The following NOS3 variants were observed in gnomAD, a reference collection of about 807,000 sequenced individuals.
The protein encoded by NOS3 is nitric oxide synthase 3.
Under a neutral mutation model 144.9 loss-of-function variants are expected in NOS3, and 98 were observed. The ratio of observed to expected loss-of-function variants is 0.68; its 90% CI spans 0.57 to 0.80. The LOEUF (loss-of-function observed/expected upper bound fraction) is 0.80, where lower values mean the gene tolerates loss of function less well. NOS3 is among the 30% of genes least tolerant of loss of function. The pLI, the probability that NOS3 is intolerant of heterozygous loss-of-function variation, is 0.00. For missense variants in NOS3, 1,465 were observed against 1,656.4 expected (o/e 0.88, Z 2.01); for synonymous variants, 714 against 702.4 (o/e 1.02, Z -0.26).
chr7:150,999,447 G>A, intron 9 of NOS3, 83 bp downstream of exon 9: 1 of 1,415,174 alleles, frequency 7.1e-7, no homozygotes. Flanking sequence ...CAAAATGCCA[G>A]CCACGGGGAC....
intron 25 of NOS3, 119 bp downstream of exon 25, chr7:151,013,498 AC>A (rs1384821926): frequency 7.7e-7 from 1 of 1,294,166 alleles, no homozygotes; most frequent in Non-Finnish European, 1.0e-6. Flanking sequence ...CCACTCAGCC[AC>A]CCCTGCACAC....
At chr7:151,011,957 T>C (rs2117137085) in intron 23 of NOS3, 1 of 297,526 alleles carries the variant, frequency 3.4e-6, no homozygotes, top group Non-Finnish European at 6.8e-6. Context: ...GGCCTGGTGA[T>C]TCAAATCCAC....
At chr7:150,992,250 G>A (rs1197375318) in intron 1 of NOS3, among the ~76,000 whole-genome samples, 2 of 152,084 alleles carry the variant, frequency 1.3e-5, no homozygotes, top group Non-Finnish European at 2.9e-5. Flanking sequence ...CTAGGAAAAT[G>A]AGTCATCCTT....
At position 150,998,813 on chromosome 7, in the gene NOS3, G is replaced by A. The variant is rs1465486402; in HGVS notation, c.816+133G>A. 4.8e-6 allele frequency: 7 copies of A among 1,448,908 alleles called. No homozygotes were observed. The African/African-American group carries it at 9.9e-5, about 21-fold the overall frequency. 89.8% of individuals were successfully genotyped at this position (1,448,908 alleles called of 1,614,324 possible). ...TAAAGGATGAAAAACACCAAAGGAG[G>A]GGTGCCTGGGTGGTCACGGAGACCC... On this transcript the variant is annotated intron_variant, in intron 7 of 26. Coordinates refer to ENST00000297494, the MANE Select transcript of NOS3 (RefSeq NM_000603.5). This position sits in a 1 kb window ranked among gnomAD's most constrained non-coding sequence, Gnocchi z 5.0.
At chr7:151,011,889 A>G (rs2117136959) in intron 23 of NOS3, 2 of 408,038 alleles carry the variant, frequency 4.9e-6, no homozygotes. Flanking sequence ...CCGCTCTCGC[A>G]GCCAGGAACC....
chr7:151,013,951 G>T, intron 26 of NOS3, 33 bp downstream of exon 26: 1 of 1,604,184 alleles, frequency 6.2e-7, no homozygotes, highest in East Asian at 2.3e-5. Context: ...TGAGCGTGCG[G>T]GGTTCCTGCT....
At chr7:151,011,103 A>C in intron 23 of NOS3, 117 bp downstream of exon 23, 1 of 712,862 alleles carries the variant, frequency 1.4e-6, no homozygotes, top group Non-Finnish European at 2.5e-6. Flanking sequence ...GTAACATGTC[A>C]AGGGTGTGGT....
chr7:151,000,473 G>A (rs775499067), intron 9 of NOS3, 25 bp from the exon 10 acceptor site: 41 of 1,460,222 alleles, frequency 2.8e-5, no homozygotes, highest in East Asian at 2.0e-4. Context: ...TGTCCCTACC[G>A]ATGCCACACA....
At chr7:151,004,540 A>G (rs553477874) in intron 14 of NOS3, among the ~76,000 whole-genome samples, 1 of 152,344 alleles carries the variant, frequency 6.6e-6, no homozygotes, top group African/African-American at 2.4e-5. Flanking sequence ...CACACTGGAA[A>G]CAATTCAAAT....
At position 151,007,271 on chromosome 7, in the gene NOS3, T is replaced by C. The variant is rs563391462; in HGVS notation, c.2107T>C (p.Phe703Leu). Residue 703 changes from phenylalanine to leucine, a missense_variant, in exon 17 of 27, where the codon TTC (phenylalanine) becomes CTC (leucine). By Grantham distance (22) the Phe-to-Leu change is conservative. Coordinates refer to ENST00000297494, the MANE Select transcript of NOS3 (RefSeq NM_000603.5). ...EAFRGWAQAA[F>L]QAACETFCVG... ...CTTCCGAGGCTGGGCCCAGGCTGCC[T>C]TCCAGGTGAGCCCAGCCCAGCCCCT... 1.3e-6 allele frequency: 2 copies of C among 1,597,220 alleles called. No homozygotes were observed. The highest frequency in any genetic ancestry group is 2.2e-5 in the South Asian group (2 of 90,416).
In NOS3 at chr7:151,002,128, G is replaced by C. The variant is rs1795118974; in HGVS notation, c.1648-72G>C. 2 of 1,405,658 alleles carry C rather than the reference G, an allele frequency of 1.4e-6. No homozygotes were observed. Among genetic ancestry groups the C allele is most frequent in the South Asian group, 2.4e-5 (2 of 81,684 alleles). The allele number at this position is 1,405,658 out of a possible 1,614,324, so 87.1% of individuals were successfully genotyped here. On this transcript the variant is annotated intron_variant, in intron 13 of 26. Transcript: ENST00000297494. This position sits in a 1 kb window ranked among gnomAD's most constrained non-coding sequence, Gnocchi z 4.1. ...TTGGGGCCTGAATCTTGCACTGCCA[G>C]GGAGGCCAGAGTGAGGAGGGCAGGG...
chr7:151,007,328 C>T (rs780051881), intron 17 of NOS3, 52 bp downstream of exon 17: 5 of 1,520,132 alleles, frequency 3.3e-6, no homozygotes, highest in South Asian at 1.2e-5. Context: ...GATGCCTCCT[C>T]CTGCCTCACT....
At chr7:150,995,385 C>A in intron 3 of NOS3, 71 bp downstream of exon 3, 1 of 999,878 alleles carries the variant, frequency 1.0e-6, no homozygotes. Flanking sequence ...CAGATGGGGC[C>A]GGAGAGGGAA....
chr7:150,998,626 C>T lies in NOS3; in HGVS notation c.762C>T (p.Tyr254=). The change falls in exon 7 of 27, where the codon TAC becomes TAT. Residue 254 remains tyrosine (Y), a synonymous_variant. Transcript: ENST00000297494. This position sits in a 1 kb window ranked among gnomAD's most constrained non-coding sequence, Gnocchi z 5.0. ...WNSQLVRYAG[Y]RQQDGSVRGD... ...GCCAGCTGGTGCGCTACGCGGGCTA[C>T]CGGCAGCAGGATGGCTCTGTGCGGG... 2 of 1,609,356 alleles carry T rather than the reference C, an allele frequency of 1.2e-6. No homozygotes were observed. Among genetic ancestry groups the T allele is most frequent in the Admixed American group, 3.4e-5 (2 of 59,554 alleles).
At chr7:151,013,090 C>CT in intron 24 of NOS3, 141 bp from the exon 25 acceptor site, 1 of 902,986 alleles carries the variant, frequency 1.1e-6, no homozygotes, top group East Asian at 2.4e-5. Context: ...TCTACACTCT[C>CT]TTAGAGATGA....
chr7:151,003,373 GC>G lies in NOS3; in HGVS notation c.1752+1071del, dbSNP rs1403127213. The G allele has an allele frequency of 2.6e-6, 3 of 1,171,462 alleles. No individual in the cohort carries two copies. Among genetic ancestry groups the G allele is most frequent in the Non-Finnish European group, 3.3e-6 (3 of 895,990 alleles). The allele number at this position is 1,171,462 out of a possible 1,614,324, so 72.6% of individuals were successfully genotyped here. A position where few individuals can be genotyped will look rare whatever the true frequency, so the allele number is the denominator to read the frequency against. ...ACTCCTGGGTTCAAGCAATCCACCT[GC>G]CTCGGCCTCCCAAAGTGCTGCGATT... On this transcript the variant is annotated intron_variant, in intron 14 of 26. Coordinates refer to ENST00000297494, the MANE Select transcript of NOS3 (RefSeq NM_000603.5). This position sits in a 1 kb window ranked among gnomAD's most constrained non-coding sequence, Gnocchi z 4.1.
In NOS3 at chr7:151,009,000, G is replaced by A. The variant is rs374396706; in HGVS notation, c.2183G>A (p.Arg728Gln). The stretch of plus-strand genomic sequence containing the variant: ...GCCCGAGACATCTTCAGCCCCAAAC[G>A]GAGCTGGAAGCGCCAGAGGTACCGG... The part of the protein sequence containing the change: ...AAARDIFSPK[R>Q]SWKRQRYRLS... The change falls in exon 18 of 27, where the codon CGG becomes CAG. Residue 728 changes from arginine to glutamine, a missense_variant. By Grantham distance (43) the Arg-to-Gln change is conservative (BLOSUM62 1). Around this residue, in one of 5 missense-constraint regions of NOS3, gnomAD observed 745 missense variants for 853.9 expected, o/e 0.87. Transcript: ENST00000297494. 79 of 1,611,688 alleles carry A rather than the reference G, an allele frequency of 4.9e-5. No individual in the cohort carries two copies. Among genetic ancestry groups the A allele is most frequent in the South Asian group, 3.3e-5 (3 of 90,732 alleles).
chr7:151,004,378 A>C (rs1276230574), intron 14 of NOS3, among the ~76,000 whole-genome samples: 1 of 152,202 alleles, frequency 6.6e-6, no homozygotes, highest in Non-Finnish European at 1.5e-5. Context: ...TCAAACAGCA[A>C]AGCAAATTAA....
chr7:151,009,673 G>C, intron 20 of NOS3, 88 bp downstream of exon 20: 2 of 1,206,304 alleles, frequency 1.7e-6, no homozygotes, highest in East Asian at 2.6e-5. Flanking sequence ...CTCAGGACCC[G>C]ACCCAGGGGG....
Sources: allele counts gnomAD v4.1 joint callset (sites outside exome capture counted in the v4.1 genomes callset), GRCh38; gene constraint gnomAD v4.1.1; regional missense constraint gnomAD v4.1.1; non-coding constraint Gnocchi (gnomAD v3.1); transcripts MANE v1.5; gene names NCBI Gene and HGNC (gene_info 2026-07-23, HGNC 2026-07-21).